RANBP17: variants seen among roughly 807,000 people sequenced by gnomAD.
RANBP17 encodes the protein RAN binding protein 17, also known as ran-binding protein 17.
Under a neutral mutation model 141.2 loss-of-function variants are expected in RANBP17, and 158 were observed. That is an observed-to-expected ratio of 1.12 (90% CI 0.98 to 1.28). The LOEUF (loss-of-function observed/expected upper bound fraction) is 1.28, where lower values mean the gene tolerates loss of function less well. Ranked by LOEUF, RANBP17 falls within the 50% of genes most tolerant of loss-of-function variation. The pLI, the probability that RANBP17 is intolerant of heterozygous loss-of-function variation, is 0.00. For synonymous variants in RANBP17, 430 were observed against 450.0 expected, an observed-to-expected ratio of 0.96 and a Z score of 0.56; for missense variants, 1,438 against 1,290.7, an observed-to-expected ratio of 1.11 and a Z score of -1.75.
intron 14 of RANBP17, among the ~76,000 whole-genome samples, chr5:171,158,831 A>G (rs541507970): frequency 6.6e-5 from 10 of 152,200 alleles, no homozygotes; most frequent in Non-Finnish European, 1.3e-4. Flanking sequence ...ACTTTCCAGC[A>G]GGTGCGGCTG....
At chr5:171,064,168 ACTGT>A (rs1784132222) in intron 14 of RANBP17, among the ~76,000 whole-genome samples, 1 of 152,150 alleles carries the variant, frequency 6.6e-6, no homozygotes, top group African/African-American at 2.4e-5. Context: ...CGCTGCACCC[ACTGT>A]CCTGCGCCCA....
chr5:171,124,330 T>A (rs1199773658), intron 14 of RANBP17, among the ~76,000 whole-genome samples: 2 of 151,870 alleles, frequency 1.3e-5, no homozygotes, highest in African/African-American at 4.8e-5. Context: ...AGAATAAAAA[T>A]TAATGAAGAA....
intron 18 of RANBP17, among the ~76,000 whole-genome samples, chr5:171,193,809 G>C (rs1216498314): frequency 6.6e-6 from 1 of 152,110 alleles, no homozygotes; most frequent in Non-Finnish European, 1.5e-5. Flanking sequence ...GGACCCACCT[G>C]GATAATCCAG....
chr5:170,876,054 G>A (rs1180192519), intron 1 of RANBP17, among the ~76,000 whole-genome samples: 1 of 152,120 alleles, frequency 6.6e-6, no homozygotes, highest in Admixed American at 6.6e-5. Context: ...TGTTAGTCTG[G>A]GTCACTCCTG....
chr5:170,957,549 A>G (rs1053374847), intron 13 of RANBP17, among the ~76,000 whole-genome samples: 9 of 152,190 alleles, frequency 5.9e-5, no homozygotes, highest in African/African-American at 1.7e-4. Context: ...CACTTTCCCA[A>G]CTGAGGTTGA....
chr5:171,184,766 C>T (rs139933371), intron 18 of RANBP17, among the ~76,000 whole-genome samples: 3 of 152,156 alleles, frequency 2.0e-5, no homozygotes, highest in Non-Finnish European at 4.4e-5. Context: ...CAAGTCACAC[C>T]GTTTTTGTTT....
chr5:171,153,015 T>G (rs1758599773), intron 14 of RANBP17, among the ~76,000 whole-genome samples: 1 of 152,228 alleles, frequency 6.6e-6, no homozygotes, highest in African/African-American at 2.4e-5. Flanking sequence ...CATTTTATGC[T>G]CTGTGTCCTT....
chr5:171,064,193 C>T (rs1581538998), intron 14 of RANBP17, among the ~76,000 whole-genome samples: 1 of 152,226 alleles, frequency 6.6e-6, no homozygotes, highest in South Asian at 2.1e-4. Context: ...CTGTCTGGCA[C>T]TCCTTAGTGA....
chr5:171,194,035 C>T (rs1034276721), intron 18 of RANBP17, among the ~76,000 whole-genome samples: 86 of 152,266 alleles, frequency 5.6e-4, no homozygotes, highest in African/African-American at 1.9e-3. Context: ...CCATCATTTA[C>T]AGTTATCATA....
At chr5:171,173,017 C>T (rs1581788537) in intron 16 of RANBP17, among the ~76,000 whole-genome samples, 1 of 151,828 alleles carries the variant, frequency 6.6e-6, no homozygotes, top group Non-Finnish European at 1.5e-5. Flanking sequence ...AACATGGGTA[C>T]ATTGATTTAT....
chr5:171,031,682 A>G (rs1203963465), intron 14 of RANBP17, among the ~76,000 whole-genome samples: 2 of 152,020 alleles, frequency 1.3e-5, no homozygotes, highest in Non-Finnish European at 2.9e-5. Context: ...TCATCTAAGA[A>G]GCTCTTTAAA....
rs373267656 is a variant in RANBP17, at chr5:170,973,707, A to G, written c.1710+5330A>G. On this transcript the variant is annotated intron_variant, in intron 14 of 27. Transcript: ENST00000523189. The stretch of plus-strand genomic sequence containing the variant: ...TAGTCCTCTGGGCTGCTGTTAACAA[A>G]TACCATAAACAACAAACATTTGTTT... Among the ~76,000 whole-genome samples, 62 of 152,350 alleles carry G rather than the reference A, an allele frequency of 4.1e-4. 1 individual carries two copies. In the South Asian group the frequency reaches 0.012, roughly 31 times the overall value.
In RANBP17 at chr5:171,103,473, G is replaced by A. The variant is rs138217693; in HGVS notation, c.1711-66657G>A. Among the ~76,000 whole-genome samples the A allele has an allele frequency of 8.5e-4, 130 of 152,258 alleles. No individual in the cohort carries two copies. The Middle Eastern group carries it at 0.014, about 16-fold the overall frequency. ...CCCCCACAAAGCTCAAGCATCCCAGGTCGACTTCAGACTGCTGTGCTGGCA... is the reference window on the plus strand; with the variant it reads ...CCCCCACAAAGCTCAAGCATCCCAGATCGACTTCAGACTGCTGTGCTGGCA... On this transcript the variant is annotated intron_variant, in intron 14 of 27. Transcript: ENST00000523189.
intron 25 of RANBP17, among the ~76,000 whole-genome samples, chr5:171,272,274 G>A (rs1023545841): frequency 6.6e-6 from 1 of 152,100 alleles, no homozygotes; most frequent in African/African-American, 2.4e-5. Flanking sequence ...AAAGTAATCT[G>A]TACACCAGAC....
At chr5:170,978,200 C>CTG (rs1777526820) in intron 14 of RANBP17, among the ~76,000 whole-genome samples, 2 of 152,024 alleles carry the variant, frequency 1.3e-5, no homozygotes, top group Admixed American at 6.5e-5. Context: ...ATTTTAAAAA[C>CTG]TGATCAAACC....
At chr5:171,056,313 A>G (rs560602681) in intron 14 of RANBP17, among the ~76,000 whole-genome samples, 24 of 152,282 alleles carry the variant, frequency 1.6e-4, no homozygotes, top group African/African-American at 5.3e-4. Flanking sequence ...TCAAAGTTCT[A>G]TAGCTGACTT....
Position 170,924,784 on chromosome 5 carries a change from T to G in RANBP17, c.1468+234T>G, listed in dbSNP as rs1772783215. 3 of 344,520 alleles carry G rather than the reference T, an allele frequency of 8.7e-6. No individual in the cohort carries two copies. In the South Asian group the frequency reaches 2.5e-4, roughly 29 times the overall value. The allele number at this position is 344,520 out of a possible 1,614,324, so 21.3% of individuals were successfully genotyped here. A position where few individuals can be genotyped will look rare whatever the true frequency, so the allele number is the denominator to read the frequency against. Reference sequence around the variant, plus strand: ...AGGATATACTTCTCTCTGGAATCAATATGAAGAAAAATTGATAATGGCCCT... The same window carrying G: ...AGGATATACTTCTCTCTGGAATCAAGATGAAGAAAAATTGATAATGGCCCT... On this transcript the variant is annotated intron_variant, in intron 12 of 27. Coordinates refer to ENST00000523189, the MANE Select transcript of RANBP17 (RefSeq NM_022897.5).
intron 14 of RANBP17, among the ~76,000 whole-genome samples, chr5:170,986,269 C>T (rs1778134023): frequency 6.6e-6 from 1 of 152,018 alleles, no homozygotes; most frequent in Non-Finnish European, 1.5e-5. Flanking sequence ...GACTCTGTGG[C>T]TCTCAGTACC....
intron 1 of RANBP17, among the ~76,000 whole-genome samples, chr5:170,876,548 TTCTTTA>T (rs1334505036): frequency 6.6e-6 from 1 of 152,178 alleles, no homozygotes; most frequent in Non-Finnish European, 1.5e-5. Context: ...TCATTTGAGG[TTCTTTA>T]TCTTAATCAG....
Sources: allele counts gnomAD v4.1 joint callset (sites outside exome capture counted in the v4.1 genomes callset), GRCh38; gene constraint gnomAD v4.1.1; transcripts MANE v1.5; gene names NCBI Gene and HGNC (gene_info 2026-07-23, HGNC 2026-07-21).